The following MCF2L variants were observed in gnomAD, a reference collection of about 807,000 sequenced individuals.
MCF2L encodes the protein guanine nucleotide exchange factor DBS.
Under a neutral mutation model 153.4 loss-of-function variants are expected in MCF2L, and 97 were observed. The ratio of observed to expected loss-of-function variants is 0.63; its 90% confidence interval spans 0.54 to 0.75. MCF2L has a LOEUF of 0.75. MCF2L is among the 30% of genes least tolerant of loss of function. MCF2L has a pLI of 0.00. For synonymous variants in MCF2L, 659 were observed against 632.2 expected, an observed-to-expected ratio of 1.04 and a Z score of -0.64; for missense variants, 1,347 against 1,495.2, an observed-to-expected ratio of 0.90 and a Z score of 1.64.
At chr13:113,001,852 G>GT in intron 1 of MCF2L, 1 of 1,536,484 alleles carries the variant, frequency 6.5e-7, no homozygotes, top group Non-Finnish European at 8.7e-7. Context: ...CATCCTTTGT[G>GT]TGCCCGGGAA....
At position 113,064,025 on chromosome 13, in the gene MCF2L, C is replaced by T. The variant is rs1038052786; in HGVS notation, c.490-279C>T. On this transcript the variant is annotated intron_variant, in intron 5 of 29. Coordinates refer to ENST00000535094, the MANE Select transcript of MCF2L (RefSeq NM_001112732.3). This position sits in a 1 kb window ranked among gnomAD's most constrained non-coding sequence, Gnocchi z 6.0. ...CAAAGCCTATGGCTAGTGTGCAGTGCCTGCCAAATAGCAGGGAAGGAGGGC... is the reference window on the plus strand; with the variant it reads ...CAAAGCCTATGGCTAGTGTGCAGTGTCTGCCAAATAGCAGGGAAGGAGGGC... The T allele has an allele frequency of 2.2e-6, 1 of 451,198 alleles. No individual in the cohort carries two copies. Among genetic ancestry groups the T allele is most frequent in the African/African-American group, 2.0e-5 (1 of 50,184 alleles). 27.9% of individuals were successfully genotyped at this position (451,198 alleles called of 1,614,324 possible).
intron 2 of MCF2L, among the ~76,000 whole-genome samples, chr13:112,915,410 C>CACACAAAAAAA (rs1555349857): frequency 2.3e-5 from 2 of 86,924 alleles, no homozygotes; most frequent in African/African-American, 1.1e-4. Context: ...CTCTGTCTCA[C>CACACAAAAAAA]AAAAAAAAAA....
At chr13:112,918,676 T>C (rs1007925291) in intron 2 of MCF2L, among the ~76,000 whole-genome samples, 1 of 152,194 alleles carries the variant, frequency 6.6e-6, no homozygotes, top group Non-Finnish European at 1.5e-5. Context: ...TGGCTGGCAT[T>C]TCCTGCTTTT....
At position 113,074,428 on chromosome 13, in the gene MCF2L, C is replaced by A. The variant is rs765160620; in HGVS notation, c.997-16C>A. 1.1e-5 allele frequency: 17 copies of A among 1,608,904 alleles called. No individual in the cohort carries two copies. The highest frequency in any genetic ancestry group is 1.4e-5 in the Non-Finnish European group (17 of 1,175,692). On this transcript the variant is annotated splice_polypyrimidine_tract_variant and intron_variant, in intron 9 of 29. Coordinates refer to ENST00000535094, the MANE Select transcript of MCF2L (RefSeq NM_001112732.3). This position sits in a 1 kb window ranked among gnomAD's most constrained non-coding sequence, Gnocchi z 4.2. ...GAGGGAGACACCCCCCTGAGATGGG[C>A]CCTCCTCTGTTCCAGGTCAAAGCCA...
chr13:113,078,475 C>A (rs753164683), intron 14 of MCF2L, 39 bp downstream of exon 14: 3 of 1,572,132 alleles, frequency 1.9e-6, no homozygotes, highest in East Asian at 2.3e-5. Context: ...TCCACACCCC[C>A]CTCCTTGGTT....
At chr13:112,917,178 C>G (rs1288793321) in intron 2 of MCF2L, 2 of 471,290 alleles carry the variant, frequency 4.2e-6, no homozygotes, top group Non-Finnish European at 8.8e-6. Context: ...TAGTCCACAG[C>G]TCCAGTCCGG....
intron 1 of MCF2L, among the ~76,000 whole-genome samples, chr13:112,989,072 C>G (rs375012434): frequency 5.9e-5 from 6 of 101,952 alleles, no homozygotes; most frequent in African/African-American, 1.5e-4. Flanking sequence ...CTACCACGCC[C>G]GAGTCCTCCC....
At position 112,993,353 on chromosome 13, in the gene MCF2L, C is replaced by G. The variant is rs1054910317; in HGVS notation, c.80-21410C>G. 6.6e-6 allele frequency among the ~76,000 whole-genome samples: 1 copy of G among 152,224 alleles called. No homozygotes were observed. Among genetic ancestry groups the G allele is most frequent in the African/African-American group, 2.4e-5 (1 of 41,458 alleles). On this transcript the variant is annotated intron_variant, in intron 1 of 29. Transcript: ENST00000535094. The surrounding 1 kb of genome is among the most constrained non-coding windows in gnomAD (Gnocchi z 4.6). ...CGACCTGAGGGCTCTGGGGTCAACA[C>G]CGGTCCAGGAATTTGACTGTTAGCC...
chr13:112,918,552 T>G (rs1004107806), intron 2 of MCF2L, among the ~76,000 whole-genome samples: 3 of 152,114 alleles, frequency 2.0e-5, no homozygotes, highest in African/African-American at 7.2e-5. Context: ...TTGAAAAACC[T>G]AGGCCTGGGG....
chr13:113,002,196 C>A lies in MCF2L; in HGVS notation c.80-12567C>A, dbSNP rs185353508. 2.5e-3 allele frequency among the ~76,000 whole-genome samples: 383 copies of A among 152,312 alleles called. 1 individual carries two copies. The highest frequency in any genetic ancestry group is 8.4e-3 in the African/African-American group (349 of 41,580). ...TGTTCCTTGGCAGGGAAGGTGTGCA[C>A]GGGCCTTGCCCGATGGATGGTTTAG... is the stretch of plus-strand genomic sequence containing the variant. On this transcript the variant is annotated intron_variant, in intron 1 of 29. Coordinates refer to ENST00000535094, the MANE Select transcript of MCF2L (RefSeq NM_001112732.3).
At chr13:113,034,754 G>A (rs536537435) in intron 3 of MCF2L, among the ~76,000 whole-genome samples, 4 of 152,308 alleles carry the variant, frequency 2.6e-5, no homozygotes, top group East Asian at 1.9e-4. Flanking sequence ...GACAAGGCCC[G>A]GGGTTGCAGT....
chr13:113,090,189 C>T lies in MCF2L; in HGVS notation c.2953+461C>T, dbSNP rs1319446817. On this transcript the variant is annotated intron_variant, in intron 26 of 29. Coordinates refer to ENST00000535094, the MANE Select transcript of MCF2L (RefSeq NM_001112732.3). ...AAAGTAGTGCCTGCCCCAAACCCAC[C>T]CTCACCGTGGTGGCGTCTGTCATGC... 6.6e-6 allele frequency: 10 copies of T among 1,508,664 alleles called. 1 individual carries two copies. The highest frequency in any genetic ancestry group is 6.1e-5 in the Admixed American group (3 of 49,574). The allele number at this position is 1,508,664 out of a possible 1,614,324, so 93.5% of individuals were successfully genotyped here.
At chr13:112,897,161 T>C (rs2081075328) in intron 1 of MCF2L, among the ~76,000 whole-genome samples, 1 of 152,194 alleles carries the variant, frequency 6.6e-6, no homozygotes, top group South Asian at 2.1e-4. Flanking sequence ...GGCCTGTTCA[T>C]GGCAACCCCC....
intron 9 of MCF2L, among the ~76,000 whole-genome samples, chr13:113,072,476 TG>T (rs1376372912): frequency 6.6e-6 from 1 of 152,202 alleles, no homozygotes; most frequent in Non-Finnish European, 1.5e-5. Context: ...TAATGTTAGT[TG>T]TAGGATTCTT....
rs550358775 is a variant in MCF2L at position 112,898,707 on chromosome 13, G to A, written c.-4-3492G>A. Among the ~76,000 whole-genome samples the A allele has an allele frequency of 2.8e-4, 42 of 152,224 alleles. 1 individual carries two copies. In the South Asian group the frequency reaches 7.5e-3, roughly 27 times the overall value. On this transcript the variant is annotated intron_variant, in intron 1 of 29. Coordinates refer to the MCF2L transcript ENST00000375608. ...GCTATTCAGGCTAGAAGCCCAGACG[G>A]CCTCCCTGCCCCCCAAGTCCCTGAG...
At chr13:112,968,851 C>A, upstream of MCF2L, 1 of 1,086,684 alleles carries the variant, frequency 9.2e-7, no homozygotes, top group African/African-American at 1.7e-5. Flanking sequence ...GGCACTTGTG[C>A]GGCACCCGCG....
chr13:113,026,617 C>G (rs533387444), intron 3 of MCF2L, among the ~76,000 whole-genome samples: 4 of 152,188 alleles, frequency 2.6e-5, no homozygotes, highest in South Asian at 2.1e-4. Context: ...TTCTTAATGC[C>G]GAGGAGCCCA....
chr13:113,059,575 G>A (rs2031016741), intron 4 of MCF2L, among the ~76,000 whole-genome samples: 1 of 152,184 alleles, frequency 6.6e-6, no homozygotes. Context: ...GACATAACTT[G>A]GTGTCGAGAG....
intron 2 of MCF2L, among the ~76,000 whole-genome samples, chr13:112,913,957 A>G (rs2993333): frequency 0.23 from 35,402 of 152,042 alleles, 4,440 homozygotes; most frequent in East Asian, 0.45. Context: ...CAGCCCCCCA[A>G]TGCCTGCACC....
Sources: gnomAD v4.1 joint callset for allele counts (sites outside exome capture counted in the v4.1 genomes callset) on GRCh38, gnomAD v4.1.1 for gene constraint, Gnocchi (gnomAD v3.1) non-coding constraint, MANE v1.5 for transcripts, NCBI Gene and HGNC (gene_info 2026-07-23, HGNC 2026-07-21) for gene names.